APOO: variants seen among roughly 807,000 people sequenced by gnomAD.
APOO encodes the protein MICOS complex subunit MIC26.
Under a neutral mutation model 23.1 loss-of-function variants are expected in APOO, and 11 were observed. The observed-to-expected ratio is 0.48, with a 90% CI of 0.30 to 0.79. The LOEUF (loss-of-function observed/expected upper bound fraction) is 0.79. APOO is among the 30% of genes least tolerant of loss of function. The pLI is 0.07. For synonymous variants in APOO, 59 were observed against 54.8 expected (o/e 1.08, Z -0.34); for missense variants, 160 against 142.7 (o/e 1.12, Z -0.62).
chrX:23,876,420 C>CAAAAAAAAAAAAAA (rs765596295), intron 3 of APOO, among the ~76,000 whole-genome samples: 1 of 43,330 alleles, frequency 2.3e-5, no homozygotes, highest in African/African-American at 7.5e-5. Flanking sequence ...TTGTCTCTAC[C>CAAAAAAAAAAAAAA]AAAAAAAAAA....
In APOO at chrX:23,855,895, C is replaced by T. The variant is rs192008210; in HGVS notation, c.561+407G>A. On this transcript the variant is annotated intron_variant, in intron 7 of 8. Transcript: ENST00000379226. ...AGAAACAGCAGTGCTAAGGAAAGAA[C>T]AGAACTCATGATAAGTGAAAAACCA... is the stretch of plus-strand genomic sequence containing the variant. Among the ~76,000 whole-genome samples, 12 of 112,034 alleles carry T rather than the reference C, an allele frequency of 1.1e-4. No homozygotes were observed. In the Admixed American group the frequency reaches 1.2e-3, roughly 11 times the overall value.
chrX:23,905,575 A>AG (rs1174826587), intron 1 of APOO, among the ~76,000 whole-genome samples: 7 of 110,871 alleles, frequency 6.3e-5, no homozygotes, highest in Non-Finnish European at 1.3e-4. Context: ...CCGTCTGTGA[A>AG]GCCTTCTCTG....
intron 1 of APOO, among the ~76,000 whole-genome samples, chrX:23,901,183 G>C (rs1011171046): frequency 8.9e-6 from 1 of 111,857 alleles, no homozygotes; most frequent in Non-Finnish European, 1.9e-5. Context: ...TCATAGTCAT[G>C]GACATGTTCA....
intron 8 of APOO, among the ~76,000 whole-genome samples, chrX:23,839,292 C>A (rs1181342862): frequency 8.9e-6 from 1 of 112,076 alleles, no homozygotes; most frequent in Non-Finnish European, 1.9e-5. Context: ...TCCAAAAACT[C>A]AGAATTGTCC....
chrX:23,835,697 G>A (rs188150145), intron 8 of APOO, among the ~76,000 whole-genome samples: 4 of 104,955 alleles, frequency 3.8e-5, no homozygotes, highest in African/African-American at 1.1e-4. Context: ...TCATTCATCA[G>A]CATAGATTAA....
At chrX:23,845,113 G>A (rs997776127) in intron 7 of APOO, among the ~76,000 whole-genome samples, 11 of 112,033 alleles carry the variant, frequency 9.8e-5, no homozygotes, top group African/African-American at 2.6e-4. Flanking sequence ...ACTGGACAAC[G>A]CTGTATCCTG....
chrX:23,864,412 C>A (rs1047052308), intron 5 of APOO, among the ~76,000 whole-genome samples: 1 of 111,338 alleles, frequency 9.0e-6, no homozygotes, highest in South Asian at 3.8e-4. Flanking sequence ...AAGTGATTCT[C>A]CTGCTTTCGC....
chrX:23,845,266 T>A (rs1309210579), intron 7 of APOO, among the ~76,000 whole-genome samples: 1 of 112,526 alleles, frequency 8.9e-6, no homozygotes, highest in Non-Finnish European at 1.9e-5. Flanking sequence ...CCTGTAGTTC[T>A]TAGAATTTTA....
intron 8 of APOO, among the ~76,000 whole-genome samples, chrX:23,838,580 C>G (rs1329644469): frequency 2.0e-5 from 2 of 97,959 alleles, no homozygotes; most frequent in Non-Finnish European, 4.1e-5. Flanking sequence ...CCATGCCTGG[C>G]TTTTTTTTTT....
chrX:23,833,885 G>A (rs1328679866), intron 8 of APOO, among the ~76,000 whole-genome samples: 1 of 111,506 alleles, frequency 9.0e-6, no homozygotes, highest in African/African-American at 3.3e-5. Flanking sequence ...GCAGGAGGCT[G>A]AGGCAGGAGA....
intron 7 of APOO, among the ~76,000 whole-genome samples, chrX:23,843,622 T>C (rs1004425083): frequency 1.4e-4 from 14 of 96,836 alleles, no homozygotes; most frequent in African/African-American, 5.5e-4. Flanking sequence ...TTTCCCTCTG[T>C]CACCCAGGCT....
chrX:23,887,229 C>CTTTTTTT (rs765596270), intron 1 of APOO, among the ~76,000 whole-genome samples: 31 of 54,227 alleles, frequency 5.7e-4, no homozygotes, highest in East Asian at 1.6e-3. Flanking sequence ...TTCTTTTTCC[C>CTTTTTTT]TTTTTTTTTT....
At chrX:23,869,558 G>A (rs1177549768) in intron 4 of APOO, among the ~76,000 whole-genome samples, 3 of 104,766 alleles carry the variant, frequency 2.9e-5, no homozygotes, top group Non-Finnish European at 5.8e-5. Flanking sequence ...TCAAGGCTGC[G>A]GTGAGCTAGG....
Position 23,907,726 on chromosome X carries a change from C to T in APOO, c.-24G>A. ...ATGTCGCTGGCAGCGGAGGCTCCGG[C>T]AGGGTCACCCCGGCCTCGGCCACGC... On this transcript the variant is annotated 5_prime_UTR_variant, in exon 1 of 9. Coordinates refer to ENST00000379226, the MANE Select transcript of APOO (RefSeq NM_024122.5). 1 of 1,160,244 alleles carries T rather than the reference C, an allele frequency of 8.6e-7. No individual in the cohort carries two copies. Among genetic ancestry groups the T allele is most frequent in the Non-Finnish European group, 1.1e-6 (1 of 870,434 alleles).
intron 3 of APOO, among the ~76,000 whole-genome samples, chrX:23,878,577 C>T (rs1211351862): frequency 8.9e-6 from 1 of 112,296 alleles, no homozygotes; most frequent in Non-Finnish European, 1.9e-5. Flanking sequence ...ATGGAGAATG[C>T]GGAATCTATC....
chrX:23,893,803 C>A (rs1601940094), intron 1 of APOO, among the ~76,000 whole-genome samples: 1 of 110,459 alleles, frequency 9.1e-6, no homozygotes, highest in East Asian at 2.9e-4. Context: ...AACTCCTGAT[C>A]TCAGGTGATC....
At chrX:23,891,889 AT>A (rs1294702098) in intron 1 of APOO, among the ~76,000 whole-genome samples, 1 of 108,531 alleles carries the variant, frequency 9.2e-6, no homozygotes, top group Non-Finnish European at 1.9e-5. Context: ...AATATAGTTT[AT>A]ATAGTTTAAG....
At chrX:23,847,001 A>G in intron 7 of APOO, among the ~76,000 whole-genome samples, 1 of 110,835 alleles carries the variant, frequency 9.0e-6, no homozygotes, top group Non-Finnish European at 1.9e-5. Context: ...CTTATAAATC[A>G]ATAAGGGACA....
At chrX:23,882,209 T>C (rs906237387) in intron 1 of APOO, among the ~76,000 whole-genome samples, 11 of 112,215 alleles carry the variant, frequency 9.8e-5, no homozygotes, top group African/African-American at 2.9e-4. Flanking sequence ...GATGTATCAA[T>C]TGTTTTTAAA....
Sources: allele counts gnomAD v4.1 joint callset (sites outside exome capture counted in the v4.1 genomes callset), GRCh38; gene constraint gnomAD v4.1.1; transcripts MANE v1.5; gene names NCBI Gene and HGNC (gene_info 2026-07-23, HGNC 2026-07-21).